Variants in RPAP2 observed in about 807,000 individuals in gnomAD.
The protein encoded by RPAP2 is putative RNA polymerase II subunit B1 CTD phosphatase RPAP2.
RPAP2 carries 52 observed loss-of-function variants against 73.1 expected under a neutral mutation model. That is an observed-to-expected ratio of 0.71 (90% CI 0.57 to 0.90). The LOEUF is 0.90. Among genes scored for constraint, RPAP2 ranks in the 40% least tolerant of loss-of-function variants. The pLI is 0.00. For missense variants in RPAP2, 598 were observed against 701.8 expected (o/e 0.85, Z 1.67); for synonymous variants, 225 against 242.1 (o/e 0.93, Z 0.65).
intron 11 of RPAP2, among the ~76,000 whole-genome samples, chr1:92,374,499 G>A (rs1655305341): frequency 6.6e-6 from 1 of 152,172 alleles, no homozygotes; most frequent in South Asian, 2.1e-4. Flanking sequence ...TCCAAGCTCA[G>A]TGCTTGGACC....
chr1:92,327,708 T>A (rs779047236), intron 8 of RPAP2, among the ~76,000 whole-genome samples: 3 of 148,794 alleles, frequency 2.0e-5, no homozygotes, highest in African/African-American at 5.2e-5. Context: ...ATTTGTTGCC[T>A]GAACAGCTTT....
intron 11 of RPAP2, among the ~76,000 whole-genome samples, chr1:92,372,392 G>A (rs61779219): frequency 0.06 from 9,206 of 152,238 alleles, 397 homozygotes; most frequent in Middle Eastern, 0.11. Context: ...CACTATTCAT[G>A]CTTAGCCAGT....
chr1:92,334,763 G>A (rs1253152000), intron 9 of RPAP2, among the ~76,000 whole-genome samples: 1 of 152,054 alleles, frequency 6.6e-6, no homozygotes, highest in East Asian at 1.9e-4. Flanking sequence ...GAGGCAGGCA[G>A]ATCACAAGGT....
chr1:92,398,605 AAGG>A lies in RPAP2; in HGVS notation c.*11597_*11599del. 1 of 152,290 alleles carries A rather than the reference AAGG, an allele frequency of 6.6e-6. No individual in the cohort carries two copies. Among genetic ancestry groups the A allele is most frequent in the Non-Finnish European group, 1.5e-5 (1 of 68,092 alleles). 9.4% of individuals were successfully genotyped at this position (152,290 alleles called of 1,614,324 possible). A position where few individuals can be genotyped will look rare whatever the true frequency, so the allele number is the denominator to read the frequency against. ...ATTTTTGTTGGACTGAGGGTGGGGC[AAGG>A]AGCAGGGGTGACTTTCATCTGAAAT... is the stretch of plus-strand genomic sequence containing the variant. On this transcript the variant is annotated 3_prime_UTR_variant, in exon 13 of 13. Transcript: ENST00000610020.
intron 8 of RPAP2, among the ~76,000 whole-genome samples, chr1:92,324,599 A>G (rs1355368066): frequency 6.6e-6 from 1 of 152,140 alleles, no homozygotes; most frequent in Non-Finnish European, 1.5e-5. Flanking sequence ...AGTGTGCAAT[A>G]TTTTTTTCTA....
chr1:92,383,992 G>A (rs1196727256), intron 12 of RPAP2, among the ~76,000 whole-genome samples: 8 of 147,560 alleles, frequency 5.4e-5, no homozygotes, highest in African/African-American at 1.0e-4. Context: ...ACGGAGTCTC[G>A]CTCTGTTGCC....
In RPAP2 at chr1:92,392,622, A is replaced by G. The variant is rs933362050; in HGVS notation, c.*5611A>G. On this transcript the variant is annotated 3_prime_UTR_variant, in exon 13 of 13. Coordinates refer to ENST00000610020, the MANE Select transcript of RPAP2 (RefSeq NM_024813.3). ...CTCTGTTTGCAGATGACATGATTGTATATTTAGAAAACCCCATCGTCTCAT... is the reference window on the plus strand; with the variant it reads ...CTCTGTTTGCAGATGACATGATTGTGTATTTAGAAAACCCCATCGTCTCAT... 2 of 152,218 alleles carry G rather than the reference A, an allele frequency of 1.3e-5. No homozygotes were observed. Among genetic ancestry groups the G allele is most frequent in the Non-Finnish European group, 1.5e-5 (1 of 68,040 alleles). 9.4% of individuals were successfully genotyped at this position (152,218 alleles called of 1,614,324 possible). A position where few individuals can be genotyped will look rare whatever the true frequency, so the allele number is the denominator to read the frequency against.
rs1042279155 is a variant in RPAP2, at chr1:92,394,860, T to C, written c.*7849T>C. 2.0e-5 allele frequency: 3 copies of C among 152,150 alleles called. No homozygotes were observed. The highest frequency in any genetic ancestry group is 2.0e-4 in the Admixed American group (3 of 15,258). 9.4% of individuals were successfully genotyped at this position (152,150 alleles called of 1,614,324 possible). A position where few individuals can be genotyped will look rare whatever the true frequency, so the allele number is the denominator to read the frequency against. The stretch of plus-strand genomic sequence containing the variant: ...AAAATCTGTATGAAAACATAAAGGA[T>C]TCAGAATAGCCAAAATAATTCTGAA... On this transcript the variant is annotated 3_prime_UTR_variant, in exon 13 of 13. Coordinates refer to ENST00000610020, the MANE Select transcript of RPAP2 (RefSeq NM_024813.3).
At chr1:92,361,156 C>A (rs968573398) in intron 11 of RPAP2, among the ~76,000 whole-genome samples, 1 of 151,592 alleles carries the variant, frequency 6.6e-6, no homozygotes, top group Non-Finnish European at 1.5e-5. Flanking sequence ...CACACACACA[C>A]ACGTAAGTTT....
At chr1:92,317,051 G>A (rs1651947636) in intron 6 of RPAP2, among the ~76,000 whole-genome samples, 1 of 152,156 alleles carries the variant, frequency 6.6e-6, no homozygotes, top group Admixed American at 6.5e-5. Context: ...TTAAGCAAAG[G>A]TGGTATCCTT....
chr1:92,361,373 C>A (rs1654726169), intron 11 of RPAP2, among the ~76,000 whole-genome samples: 1 of 152,048 alleles, frequency 6.6e-6, no homozygotes, highest in Non-Finnish European at 1.5e-5. Context: ...ACTTAGTAAG[C>A]ATTCAGTGAA....
chr1:92,305,132 C>G (rs1428152497), intron 5 of RPAP2, among the ~76,000 whole-genome samples: 1 of 150,384 alleles, frequency 6.6e-6, no homozygotes, highest in Non-Finnish European at 1.5e-5. Flanking sequence ...AAGACACTGT[C>G]TTCAAAAAAA....
At chr1:92,332,947 A>G (rs1235131854) in intron 8 of RPAP2, among the ~76,000 whole-genome samples, 1 of 152,102 alleles carries the variant, frequency 6.6e-6, no homozygotes, top group African/African-American at 2.4e-5. Context: ...AACTTTTTTC[A>G]GTTCTCAGAG....
chr1:92,381,159 T>A (rs1421181986), intron 12 of RPAP2, among the ~76,000 whole-genome samples: 3 of 152,202 alleles, frequency 2.0e-5, no homozygotes, highest in Non-Finnish European at 4.4e-5. Context: ...AAGTGTAGGC[T>A]ATCCCACATG....
chr1:92,330,603 T>C (rs988056715), intron 8 of RPAP2, among the ~76,000 whole-genome samples: 17 of 151,648 alleles, frequency 1.1e-4, no homozygotes, highest in African/African-American at 4.1e-4. Context: ...ACCCGTGCCA[T>C]GCCTGCCTAA....
At position 92,305,325 on chromosome 1, in the gene RPAP2, C is replaced by T. The variant is rs1241675073; in HGVS notation, c.399+976C>T. Among the ~76,000 whole-genome samples the T allele has an allele frequency of 2.0e-5, 3 of 148,142 alleles. No individual in the cohort carries two copies. In the East Asian group the frequency reaches 6.0e-4, roughly 29 times the overall value. On this transcript the variant is annotated intron_variant, in intron 5 of 12. Transcript: ENST00000610020. ...GCGGGCGCCTGTAGTCCCAGCTACT[C>T]GGGAGGCTGAGGCAGGAGAATGGCG... is the stretch of plus-strand genomic sequence containing the variant.
rs541988327 is a variant in RPAP2 at position 92,390,149 on chromosome 1, G to A, written c.*3138G>A. 6.6e-6 allele frequency: 1 copy of A among 152,186 alleles called. No individual in the cohort carries two copies. The highest frequency in any genetic ancestry group is 2.1e-4 in the South Asian group (1 of 4,826). 9.4% of individuals were successfully genotyped at this position (152,186 alleles called of 1,614,324 possible). On this transcript the variant is annotated 3_prime_UTR_variant, in exon 13 of 13. Transcript: ENST00000610020. Reference sequence around the variant, plus strand: ...ACTGTTAAGGGCAGCCAGAGAGAAAGGTCAGGTTACCCACAAAGGGAAGCC... The same window carrying A: ...ACTGTTAAGGGCAGCCAGAGAGAAAAGTCAGGTTACCCACAAAGGGAAGCC...
intron 3 of RPAP2, among the ~76,000 whole-genome samples, chr1:92,302,640 C>T (rs1342457792): frequency 2.5e-4 from 28 of 111,328 alleles, no homozygotes; most frequent in African/African-American, 8.7e-4. Context: ...CTCACTCTGT[C>T]GCCCAGGCTG....
chr1:92,313,523 C>T (rs989203953), intron 6 of RPAP2, among the ~76,000 whole-genome samples: 2 of 150,414 alleles, frequency 1.3e-5, no homozygotes, highest in East Asian at 2.0e-4. Context: ...GATGTGCAGT[C>T]GTTTAGGCTT....
Sources: gnomAD v4.1 joint callset for allele counts (sites outside exome capture counted in the v4.1 genomes callset) on GRCh38, gnomAD v4.1.1 for gene constraint, MANE v1.5 for transcripts, NCBI Gene and HGNC (gene_info 2026-07-23, HGNC 2026-07-21) for gene names.